Variants in DPYSL2 observed in about 807,000 individuals in gnomAD.
DPYSL2 encodes dihydropyrimidinase-related protein 2.
Under a neutral mutation model 69.9 loss-of-function variants are expected in DPYSL2, and 13 were observed. That is an observed-to-expected ratio of 0.19 (90% CI 0.12 to 0.30). DPYSL2 has a LOEUF of 0.30. DPYSL2 is among the 10% of genes least tolerant of loss of function. DPYSL2 has a pLI of 1.00. For missense variants in DPYSL2, 587 were observed against 918.9 expected (o/e 0.64, Z 4.67); for synonymous variants, 326 against 359.1 (o/e 0.91, Z 1.04).
Position 26,655,781 on chromosome 8 carries a change from TC to T in DPYSL2, c.*77del. 6.8e-6 allele frequency: 8 copies of T among 1,169,380 alleles called. No homozygotes were observed. The highest frequency in any genetic ancestry group is 5.6e-5 in the South Asian group (3 of 53,636). 72.4% of individuals were successfully genotyped at this position (1,169,380 alleles called of 1,614,324 possible). A position where few individuals can be genotyped will look rare whatever the true frequency, so the allele number is the denominator to read the frequency against. On this transcript the variant is annotated 3_prime_UTR_variant, in exon 14 of 14. Transcript: ENST00000521913. ...GACATTCTGAGACTTCTTTCTTCCT[TC>T]CTTTTTTTTTTTTTGTTTTTTTTTT...
At chr8:26,566,918 G>A (rs1040763790) in intron 1 of DPYSL2, among the ~76,000 whole-genome samples, 1 of 151,340 alleles carries the variant, frequency 6.6e-6, no homozygotes, top group African/African-American at 2.4e-5. Flanking sequence ...CATCCATCCT[G>A]CCATCATACA....
intron 1 of DPYSL2, among the ~76,000 whole-genome samples, chr8:26,536,124 G>C (rs1303134530): frequency 7.0e-6 from 1 of 143,704 alleles, no homozygotes. Flanking sequence ...TTTTTTTCTA[G>C]AGACAGAGTC....
Position 26,644,459 on chromosome 8 carries a change from A to T in DPYSL2, c.1425+368A>T, listed in dbSNP as rs1297367459. Among the ~76,000 whole-genome samples, 4 of 151,654 alleles carry T rather than the reference A, an allele frequency of 2.6e-5. No homozygotes were observed. In the South Asian group the frequency reaches 8.3e-4, roughly 32 times the overall value. ...GTAGCTAGGACCACAGGCTCAGACC[A>T]CCATGCCTGGCTAATTTTTTTTTTA... On this transcript the variant is annotated intron_variant, in intron 10 of 13. Coordinates refer to ENST00000521913, the MANE Select transcript of DPYSL2 (RefSeq NM_001197293.3). The surrounding 1 kb of genome is among the most constrained non-coding windows in gnomAD (Gnocchi z 4.5).
intron 1 of DPYSL2, among the ~76,000 whole-genome samples, chr8:26,515,480 A>G (rs947708724): frequency 2.0e-5 from 3 of 152,156 alleles, no homozygotes; most frequent in African/African-American, 7.2e-5. Flanking sequence ...AACCCCTCGC[A>G]CTCGAAATAG....
At position 26,588,726 on chromosome 8, in the gene DPYSL2, A is replaced by G. The variant is rs1195733812; in HGVS notation, c.628+4743A>G. ...TTCTCCCCTGGCTGTGGCTCCCTGGATGTGCATCAGGCACCTCCATCCAAC... is the reference window on the plus strand; with the variant it reads ...TTCTCCCCTGGCTGTGGCTCCCTGGGTGTGCATCAGGCACCTCCATCCAAC... On this transcript the variant is annotated intron_variant, in intron 3 of 13. Coordinates refer to ENST00000521913, the MANE Select transcript of DPYSL2 (RefSeq NM_001197293.3). This position sits in a 1 kb window ranked among gnomAD's most constrained non-coding sequence, Gnocchi z 5.4. Among the ~76,000 whole-genome samples the G allele has an allele frequency of 6.6e-6, 1 of 152,128 alleles. No homozygotes were observed. The highest frequency in any genetic ancestry group is 1.9e-4 in the East Asian group (1 of 5,172).
In DPYSL2 at chr8:26,564,199, C is replaced by G. The variant is rs557357325; in HGVS notation, c.355-17770C>G. On this transcript the variant is annotated intron_variant, in intron 1 of 13. Coordinates refer to ENST00000521913, the MANE Select transcript of DPYSL2 (RefSeq NM_001197293.3). This position sits in a 1 kb window ranked among gnomAD's most constrained non-coding sequence, Gnocchi z 4.8. The stretch of plus-strand genomic sequence containing the variant: ...CCAATTAGCATGCTGTTTGCCCAAG[C>G]TTTTCTAATGGAGTCAGGCGAAGAG... 2.1e-4 allele frequency among the ~76,000 whole-genome samples: 32 copies of G among 152,256 alleles called. No homozygotes were observed. Among genetic ancestry groups the G allele is most frequent in the Non-Finnish European group, 2.6e-4 (18 of 68,032 alleles).
chr8:26,630,105 C>T (rs1429780737), intron 7 of DPYSL2, among the ~76,000 whole-genome samples: 1 of 152,256 alleles, frequency 6.6e-6, no homozygotes, highest in Non-Finnish European at 1.5e-5. Flanking sequence ...TTTTCACATA[C>T]ACATATACAC....
At chr8:26,595,016 C>T (rs62491917) in intron 3 of DPYSL2, among the ~76,000 whole-genome samples, 4,383 of 148,028 alleles carry the variant, frequency 0.03, 90 homozygotes, top group Middle Eastern at 0.073. Context: ...GAAGCCTTGT[C>T]TCTACCAAAA....
At position 26,514,281 on chromosome 8, in the gene DPYSL2, A is replaced by C. The variant is rs1294148607; in HGVS notation, c.-45A>C. Reference sequence around the variant, plus strand: ...CAGCGAGGGAGACTTAGGGACTGGCAGACGGACGGACGGACGGCGAGGACC... The same window carrying C: ...CAGCGAGGGAGACTTAGGGACTGGCCGACGGACGGACGGACGGCGAGGACC... On this transcript the variant is annotated 5_prime_UTR_variant, in exon 1 of 14. Coordinates refer to ENST00000521913, the MANE Select transcript of DPYSL2 (RefSeq NM_001197293.3). This position sits in a 1 kb window ranked among gnomAD's most constrained non-coding sequence, Gnocchi z 8.4. 8.5e-6 allele frequency: 12 copies of C among 1,407,086 alleles called. No individual in the cohort carries two copies. The allele number at this position is 1,407,086 out of a possible 1,614,324, so 87.2% of individuals were successfully genotyped here.
At chr8:26,629,069 G>A (rs138766025) in intron 7 of DPYSL2, among the ~76,000 whole-genome samples, 2 of 152,296 alleles carry the variant, frequency 1.3e-5, no homozygotes, top group African/African-American at 4.8e-5. Context: ...GGAGAAAGGA[G>A]TCAAGACAGG....
At chr8:26,636,780 G>A (rs11784967) in intron 8 of DPYSL2, among the ~76,000 whole-genome samples, 19,380 of 151,822 alleles carry the variant, frequency 0.13, 1,539 homozygotes, top group Non-Finnish European at 0.18. Flanking sequence ...TCACTCTGTC[G>A]CCCAGGCAGG....
chr8:26,514,722 G>A lies in DPYSL2; in HGVS notation c.354+43G>A. ...GGGTGGAGACGGAGGACGGGGCGCG[G>A]GGATCGCCCCTCCCTCGCCCCTGAG... On this transcript the variant is annotated intron_variant, in intron 1 of 13. Transcript: ENST00000521913. The surrounding 1 kb of genome is among the most constrained non-coding windows in gnomAD (Gnocchi z 8.4). The A allele has an allele frequency of 7.5e-7, 1 of 1,339,086 alleles. No individual in the cohort carries two copies. The highest frequency in any genetic ancestry group is 9.6e-7 in the Non-Finnish European group (1 of 1,038,196). 83.0% of individuals were successfully genotyped at this position (1,339,086 alleles called of 1,614,324 possible).
intron 3 of DPYSL2, among the ~76,000 whole-genome samples, chr8:26,604,866 A>G (rs776292226): frequency 6.6e-6 from 1 of 151,866 alleles, no homozygotes; most frequent in South Asian, 2.1e-4. Context: ...GGGTTTCACC[A>G]TGTTGGCCAG....
chr8:26,579,131 G>C (rs1221631248), intron 1 of DPYSL2, among the ~76,000 whole-genome samples: 1 of 152,272 alleles, frequency 6.6e-6, no homozygotes, highest in Non-Finnish European at 1.5e-5. Context: ...GGGCGCTAAT[G>C]GCGCTGCGCG....
chr8:26,556,928 T>C (rs1157107051), intron 1 of DPYSL2, among the ~76,000 whole-genome samples: 1 of 152,114 alleles, frequency 6.6e-6, no homozygotes, highest in African/African-American at 2.4e-5. Flanking sequence ...CACACAGATA[T>C]AGTTGACATA....
At chr8:26,589,202 T>C (rs1249503167) in intron 3 of DPYSL2, among the ~76,000 whole-genome samples, 1 of 152,214 alleles carries the variant, frequency 6.6e-6, no homozygotes, top group East Asian at 1.9e-4. Context: ...TTTCTTTCCC[T>C]GCTTCTAGAA....
chr8:26,606,482 A>G (rs1293998423), intron 3 of DPYSL2, among the ~76,000 whole-genome samples: 1 of 152,192 alleles, frequency 6.6e-6, no homozygotes, highest in Non-Finnish European at 1.5e-5. Context: ...GAAGTAGGAC[A>G]TTCGACTTGC....
At chr8:26,549,755 T>C (rs1246487580) in intron 1 of DPYSL2, among the ~76,000 whole-genome samples, 1 of 151,904 alleles carries the variant, frequency 6.6e-6, no homozygotes, top group Non-Finnish European at 1.5e-5. Context: ...AAGAAGAGAG[T>C]GAAGTGAAAG....
Position 26,591,171 on chromosome 8 carries a change from G to A in DPYSL2, c.628+7188G>A, listed in dbSNP as rs1801717866. Reference sequence around the variant, plus strand: ...TTTTACATGGAGAGTCACAGCACTGGGGGTTTCCCAGAGCCTAGACTCTGA... The same window carrying A: ...TTTTACATGGAGAGTCACAGCACTGAGGGTTTCCCAGAGCCTAGACTCTGA... On this transcript the variant is annotated intron_variant, in intron 3 of 13. Transcript: ENST00000521913. The surrounding 1 kb of genome is among the most constrained non-coding windows in gnomAD (Gnocchi z 5.8). Among the ~76,000 whole-genome samples the A allele has an allele frequency of 6.6e-6, 1 of 152,156 alleles. No individual in the cohort carries two copies. The highest frequency in any genetic ancestry group is 2.4e-5 in the African/African-American group (1 of 41,428).
Sources: gnomAD v4.1 joint callset for allele counts (sites outside exome capture counted in the v4.1 genomes callset) on GRCh38, gnomAD v4.1.1 for gene constraint, Gnocchi (gnomAD v3.1) non-coding constraint, MANE v1.5 for transcripts, NCBI Gene and HGNC (gene_info 2026-07-23, HGNC 2026-07-21) for gene names.